Variants in GRM8 observed in about 807,000 individuals in gnomAD.
GRM8 encodes the protein glutamate metabotropic receptor 8.
A neutral mutation model predicts 87.2 loss-of-function variants in GRM8; 47 were observed. The ratio of observed to expected loss-of-function variants is 0.54; its 90% CI spans 0.43 to 0.69. The LOEUF (loss-of-function observed/expected upper bound fraction) is 0.69. Ranked by LOEUF, GRM8 falls within the 30% of genes least tolerant of loss-of-function variation. GRM8 has a pLI of 0.00. For synonymous variants in GRM8, 396 were observed against 404.5 expected (o/e 0.98, Z 0.25); for missense variants, 1,019 against 1,139.2 (o/e 0.89, Z 1.52).
chr7:127,035,164 AAAAC>A (rs909180524), intron 3 of GRM8, among the ~76,000 whole-genome samples: 13 of 152,218 alleles, frequency 8.5e-5, no homozygotes, highest in African/African-American at 2.9e-4. Flanking sequence ...TACTCCATAA[AAAAC>A]AATTCTTTTC....
At chr7:126,733,184 T>C (rs1018665353) in intron 7 of GRM8, among the ~76,000 whole-genome samples, 2 of 152,038 alleles carry the variant, frequency 1.3e-5, no homozygotes, top group African/African-American at 4.8e-5. Flanking sequence ...TAAAGAGCAA[T>C]GTCCTTCCTG....
chr7:127,030,207 T>C (rs991364909), intron 3 of GRM8, among the ~76,000 whole-genome samples: 2 of 151,996 alleles, frequency 1.3e-5, no homozygotes, highest in African/African-American at 4.8e-5. Flanking sequence ...ACTCCCCAGA[T>C]GCCTACAAGT....
intron 2 of GRM8, among the ~76,000 whole-genome samples, chr7:127,156,736 A>G (rs1167959070): frequency 6.6e-6 from 1 of 152,214 alleles, no homozygotes; most frequent in Non-Finnish European, 1.5e-5. Context: ...AGAACTAATG[A>G]AAACGAGAAA....
At chr7:127,240,133 G>A (rs903554433) in intron 2 of GRM8, among the ~76,000 whole-genome samples, 1 of 152,200 alleles carries the variant, frequency 6.6e-6, no homozygotes, top group African/African-American at 2.4e-5. Context: ...CAGAGAGTCA[G>A]TAGTAACCCT....
At chr7:126,484,257 G>A (rs554459465) in intron 9 of GRM8, among the ~76,000 whole-genome samples, 1 of 152,182 alleles carries the variant, frequency 6.6e-6, no homozygotes, top group South Asian at 2.1e-4. Context: ...CCCCAATGAT[G>A]GAGCAACTGC....
intron 2 of GRM8, among the ~76,000 whole-genome samples, chr7:127,236,924 T>G (rs1185365390): frequency 1.3e-5 from 2 of 152,036 alleles, no homozygotes. Context: ...TAGTGGGGGA[T>G]GCAGACAAGT....
At chr7:126,714,400 T>C (rs1226563079) in intron 7 of GRM8, among the ~76,000 whole-genome samples, 3 of 151,842 alleles carry the variant, frequency 2.0e-5, no homozygotes, top group African/African-American at 7.3e-5. Context: ...AGTCATTTAA[T>C]TTCCACAATA....
chr7:127,057,287 C>A (rs6467106), intron 3 of GRM8, among the ~76,000 whole-genome samples: 12,110 of 152,200 alleles, frequency 0.08, 524 homozygotes, highest in South Asian at 0.13. Context: ...AATCAAACAT[C>A]AAATCCATCT....
chr7:126,940,126 T>C (rs1166560461), intron 3 of GRM8, among the ~76,000 whole-genome samples: 2 of 152,092 alleles, frequency 1.3e-5, no homozygotes, highest in Non-Finnish European at 2.9e-5. Flanking sequence ...GAAGGGAAAA[T>C]GAGTCTTTTT....
chr7:126,929,469 T>A (rs1374843276), intron 3 of GRM8, among the ~76,000 whole-genome samples: 1 of 152,176 alleles, frequency 6.6e-6, no homozygotes, highest in African/African-American at 2.4e-5. Context: ...AGTCTTGCTC[T>A]GTCACCCAGG....
intron 3 of GRM8, among the ~76,000 whole-genome samples, chr7:127,092,757 G>A (rs17866036): frequency 0.18 from 27,848 of 152,190 alleles, 2,709 homozygotes; most frequent in Middle Eastern, 0.25. Flanking sequence ...AACTAACACA[G>A]AGGACATGCA....
At chr7:126,567,000 G>C (rs984528393) in intron 8 of GRM8, among the ~76,000 whole-genome samples, 3 of 152,134 alleles carry the variant, frequency 2.0e-5, no homozygotes. Flanking sequence ...GTTAAGTTTA[G>C]AATGGTGGTT....
intron 4 of GRM8, 70 bp downstream of exon 4, chr7:126,904,478 A>C: frequency 7.0e-7 from 1 of 1,431,528 alleles, no homozygotes; most frequent in South Asian, 1.2e-5. Context: ...TATGTTGAAC[A>C]TGAAATATGT....
intron 7 of GRM8, among the ~76,000 whole-genome samples, chr7:126,622,691 A>G (rs62477900): frequency 0.32 from 48,635 of 151,998 alleles, 8,403 homozygotes; most frequent in East Asian, 0.43. Context: ...AAGTATCCCC[A>G]TCAATTTACA....
intron 7 of GRM8, among the ~76,000 whole-genome samples, chr7:126,680,822 T>A (rs1160686122): frequency 1.3e-5 from 2 of 152,216 alleles, no homozygotes; most frequent in African/African-American, 4.8e-5. Context: ...CTCGTTCTAA[T>A]AAAGCAAAGC....
intron 8 of GRM8, among the ~76,000 whole-genome samples, chr7:126,607,684 CT>C (rs567513377): frequency 2.6e-5 from 4 of 151,948 alleles, no homozygotes; most frequent in East Asian, 1.9e-4. Context: ...GTCTACCGTT[CT>C]TTTTTTATGT....
intron 3 of GRM8, among the ~76,000 whole-genome samples, chr7:127,082,451 C>T (rs956767053): frequency 6.6e-6 from 1 of 152,084 alleles, no homozygotes; most frequent in South Asian, 2.1e-4. Context: ...GTCTCTGGGC[C>T]TCAGTTTCTC....
intron 3 of GRM8, among the ~76,000 whole-genome samples, chr7:126,953,660 G>T (rs1026999634): frequency 1.3e-5 from 2 of 152,000 alleles, no homozygotes; most frequent in Admixed American, 1.3e-4. Flanking sequence ...GTCAGAAGGA[G>T]AGCTATCAAA....
At chr7:127,230,101 A>G (rs1437748320) in intron 2 of GRM8, among the ~76,000 whole-genome samples, 3 of 151,748 alleles carry the variant, frequency 2.0e-5, no homozygotes, top group African/African-American at 7.2e-5. Flanking sequence ...TAGGTTTGAT[A>G]ACACTTTCCT....
Sources: allele counts gnomAD v4.1 joint callset (sites outside exome capture counted in the v4.1 genomes callset), GRCh38; gene constraint gnomAD v4.1.1; transcripts MANE v1.5; gene names NCBI Gene and HGNC (gene_info 2026-07-23, HGNC 2026-07-21).